UPK1B: variants seen among roughly 807,000 people sequenced by gnomAD.
UPK1B encodes the protein uroplakin 1B, also known as uroplakin-1b.
In UPK1B, 28 loss-of-function variants were observed where a neutral mutation model predicts 34.2. The observed-to-expected ratio is 0.82, with a 90% confidence interval of 0.61 to 1.12. The LOEUF is 1.12. Ranked by LOEUF, UPK1B falls within the 50% of genes most tolerant of loss-of-function variation. The pLI, the probability that UPK1B is intolerant of heterozygous loss-of-function variation, is 0.00. For synonymous variants in UPK1B, 81 were observed against 110.4 expected, an observed-to-expected ratio of 0.73 and a Z score of 1.67; for missense variants, 325 against 320.9, an observed-to-expected ratio of 1.01 and a Z score of -0.10.
At chr3:119,185,230 C>T (rs1018506050) in intron 1 of UPK1B, among the ~76,000 whole-genome samples, 1 of 152,178 alleles carries the variant, frequency 6.6e-6, no homozygotes, top group African/African-American at 2.4e-5. Flanking sequence ...CACAGCTACC[C>T]AGGTAAACAG....
At position 119,179,352 on chromosome 3, in the gene UPK1B, GATATATATATATATATATATATATAT is replaced by G. The variant is rs60685268; in HGVS notation, c.-29+5735_-29+5760del. Among the ~76,000 whole-genome samples, 19 of 46,906 alleles carry G rather than the reference GATATATATATATATATATATATATAT, an allele frequency of 4.1e-4. 1 individual carries two copies. The highest frequency in any genetic ancestry group is 9.1e-4 in the Admixed American group (3 of 3,284). 30.8% of individuals were successfully genotyped at this position (46,906 alleles called of 152,430 possible). ...AGAGAGAGGGAGAGAGAGAGAGGGAGATATATATATATATATATATATATATATATATATATATATATATATTAATT... is the reference window on the plus strand; with the variant it reads ...AGAGAGAGGGAGAGAGAGAGAGGGAGATATATATATATATATATATTAATT... On this transcript the variant is annotated intron_variant, in intron 1 of 7. Transcript: ENST00000264234.
chr3:119,186,428 G>A (rs1194629093), intron 1 of UPK1B, among the ~76,000 whole-genome samples: 1 of 152,168 alleles, frequency 6.6e-6, no homozygotes, highest in Admixed American at 6.5e-5. Flanking sequence ...TACCCCTTGT[G>A]CATTCCACCT....
intron 7 of UPK1B, among the ~76,000 whole-genome samples, chr3:119,202,203 G>C (rs2078094523): frequency 6.6e-6 from 1 of 152,328 alleles, no homozygotes; most frequent in South Asian, 2.1e-4. Flanking sequence ...ACAAGGAGCA[G>C]AGAAATTCAG....
At chr3:119,194,687 A>C (rs562579428) in intron 6 of UPK1B, among the ~76,000 whole-genome samples, 2 of 152,378 alleles carry the variant, frequency 1.3e-5, no homozygotes, top group African/African-American at 2.4e-5. Flanking sequence ...TGGTATGTCA[A>C]GAAATATTTA....
Position 119,175,012 on chromosome 3 carries a change from C to CTTTTTTTT in UPK1B, c.-29+1402_-29+1409dup, listed in dbSNP as rs374721069. 1.3e-3 allele frequency among the ~76,000 whole-genome samples: 89 copies of CTTTTTTTT among 67,420 alleles called. 4 individuals are homozygous for CTTTTTTTT. The highest frequency in any genetic ancestry group is 1.6e-3 in the Non-Finnish European group (62 of 38,074). 44.2% of individuals were successfully genotyped at this position (67,420 alleles called of 152,430 possible). On this transcript the variant is annotated intron_variant, in intron 1 of 7. Transcript: ENST00000264234. ...CAGAACTTTTTTTTTCTTTTATTTT[C>CTTTTTTTT]TTTTTTTTTTTTTTTTTTTTTTTTT...
chr3:119,179,585 C>T (rs950707774), intron 1 of UPK1B, among the ~76,000 whole-genome samples: 1 of 126,192 alleles, frequency 7.9e-6, no homozygotes, highest in Non-Finnish European at 1.6e-5. Context: ...TCTTGGCTCA[C>T]TGCAAGCTCG....
At position 119,201,125 on chromosome 3, in the gene UPK1B, G is replaced by A. The variant is rs80154459; in HGVS notation, c.732+1985G>A. On this transcript the variant is annotated intron_variant, in intron 7 of 7. Coordinates refer to ENST00000264234, the MANE Select transcript of UPK1B (RefSeq NM_006952.4). ...GTTTAGTGACTCTGCCTTGATTCTT[G>A]CTAATACTCCAGGAGTTTTACTTCC... Among the ~76,000 whole-genome samples, 1,452 of 152,014 alleles carry A rather than the reference G, an allele frequency of 9.6e-3. 43 individuals carry two copies. In the East Asian group the frequency reaches 0.13, roughly 13 times the overall value.
At chr3:119,197,222 T>C (rs575590688) in intron 6 of UPK1B, among the ~76,000 whole-genome samples, 1 of 152,300 alleles carries the variant, frequency 6.6e-6, no homozygotes, top group South Asian at 2.1e-4. Flanking sequence ...ATATTCTATG[T>C]TATGGTTTAT....
chr3:119,192,989 G>A (rs1687710114), intron 5 of UPK1B, among the ~76,000 whole-genome samples: 2 of 606 alleles, frequency 3.3e-3, no homozygotes, highest in African/African-American at 0.013. Context: ...AACTACAATT[G>A]GCCTCTGCCT....
intron 3 of UPK1B, among the ~76,000 whole-genome samples, chr3:119,189,016 A>G (rs2078031960): frequency 6.6e-6 from 1 of 152,174 alleles, no homozygotes; most frequent in Admixed American, 6.5e-5. Context: ...AAAAAGGGAG[A>G]GGAGACACAG....
Position 119,179,364 on chromosome 3 carries a change from T to TATATATAG in UPK1B, c.-29+5733_-29+5734insGATATATA, listed in dbSNP as rs1553741652. ...AGAGAGAGAGGGAGATATATATATA[T>TATATATAG]ATATATATATATATATATATATATA... is the stretch of plus-strand genomic sequence containing the variant. On this transcript the variant is annotated intron_variant, in intron 1 of 7. Transcript: ENST00000264234. 9.1e-5 allele frequency among the ~76,000 whole-genome samples: 4 copies of TATATATAG among 44,168 alleles called. 1 individual carries two copies. Among genetic ancestry groups the TATATATAG allele is most frequent in the East Asian group, 7.9e-4 (1 of 1,270 alleles). 29.0% of individuals were successfully genotyped at this position (44,168 alleles called of 152,430 possible).
In UPK1B at chr3:119,187,781, G is replaced by C. The variant is rs763183222; in HGVS notation, c.76G>C (p.Gly26Arg). The change falls in exon 3 of 8, where the codon GGC becomes CGC. Residue 26 changes from glycine to arginine, a missense_variant. Transcript: ENST00000264234. ...ACCTTTCATTTGCCCCCAGTGTTGC[G>C]GCATTGCCCTGACTGCGGAGTGCAT... ...IFGNVIIGCC[G>R]IALTAECIFF... The C allele has an allele frequency of 1.2e-6, 2 of 1,612,982 alleles. No individual in the cohort carries two copies. The highest frequency in any genetic ancestry group is 1.7e-6 in the Non-Finnish European group (2 of 1,179,852).
At chr3:119,176,562 C>T (rs1559899329) in intron 1 of UPK1B, among the ~76,000 whole-genome samples, 1 of 152,208 alleles carries the variant, frequency 6.6e-6, no homozygotes, top group Non-Finnish European at 1.5e-5. Context: ...TCATACCAGG[C>T]CACAGGGCAG....
rs1301912032 is a variant in UPK1B at position 119,204,026 on chromosome 3, C to T, written c.*59C>T. ...AGTGACTCTGGATTTGGTGCTGGAA[C>T]CAGCTCTCTCCTAATATTCCACGTT... is the stretch of plus-strand genomic sequence containing the variant. On this transcript the variant is annotated 3_prime_UTR_variant, in exon 8 of 8. Transcript: ENST00000264234. The T allele has an allele frequency of 4.4e-6, 7 of 1,573,918 alleles. No homozygotes were observed. The highest frequency in any genetic ancestry group is 1.7e-4 in the Middle Eastern group (1 of 6,006).
At chr3:119,197,668 G>A (rs2078072646) in intron 6 of UPK1B, among the ~76,000 whole-genome samples, 1 of 152,214 alleles carries the variant, frequency 6.6e-6, no homozygotes, top group Non-Finnish European at 1.5e-5. Context: ...AAATTCAACA[G>A]TGAACAACAT....
intron 1 of UPK1B, among the ~76,000 whole-genome samples, chr3:119,184,439 G>A: frequency 6.6e-6 from 1 of 152,080 alleles, no homozygotes; most frequent in African/African-American, 2.4e-5. Flanking sequence ...ACTCCTTGAG[G>A]CCAGGCGCAG....
Position 119,191,071 on chromosome 3 carries a change from A to T in UPK1B, c.435A>T (p.Gly145=). 6.2e-7 allele frequency: 1 copy of T among 1,614,032 alleles called. No individual in the cohort carries two copies. The part of the protein sequence containing the change: ...PNNDDQWKNN[G]VTKTWDRLML... ...ATGATGACCAGTGGAAAAACAATGG[A>T]GTCACCAAAACCTGGGACAGGCTCA... Residue 145 remains glycine, a synonymous_variant, in exon 5 of 8, where the codon GGA becomes GGT. Coordinates refer to ENST00000264234, the MANE Select transcript of UPK1B (RefSeq NM_006952.4).
intron 5 of UPK1B, among the ~76,000 whole-genome samples, chr3:119,193,516 G>A (rs913737140): frequency 3.9e-5 from 6 of 152,158 alleles, no homozygotes; most frequent in Non-Finnish European, 8.8e-5. Context: ...CAGAGTGTAA[G>A]GGATGTATTA....
intron 7 of UPK1B, 120 bp downstream of exon 7, chr3:119,199,260 G>C: frequency 8.7e-7 from 1 of 1,149,714 alleles, no homozygotes; most frequent in Admixed American, 2.3e-5. Context: ...AGGCCTGAAG[G>C]CTAGTCAGGA....
Sources: gnomAD v4.1 joint callset for allele counts (sites outside exome capture counted in the v4.1 genomes callset) on GRCh38, gnomAD v4.1.1 for gene constraint, MANE v1.5 for transcripts, NCBI Gene and HGNC (gene_info 2026-07-23, HGNC 2026-07-21) for gene names.